Variants in SETD2 observed in about 807,000 individuals in gnomAD.
The protein encoded by SETD2 is SET domain containing 2, histone lysine methyltransferase, also known as histone-lysine N-methyltransferase SETD2.
A neutral mutation model predicts 242.1 loss-of-function variants in SETD2; 31 were observed. The ratio of observed to expected loss-of-function variants is 0.13; its 90% confidence interval spans 0.10 to 0.17. The LOEUF is 0.17. Ranked by LOEUF, SETD2 falls within the 10% of genes least tolerant of loss-of-function variation. SETD2 has a pLI of 1.00. For synonymous variants in SETD2, 1,006 were observed against 1,066.5 expected, an observed-to-expected ratio of 0.94 and a Z score of 1.11; for missense variants, 2,481 against 3,046.3, an observed-to-expected ratio of 0.81 and a Z score of 4.37.
At position 47,121,381 on chromosome 3, in the gene SETD2, A is replaced by G. The variant is rs2106648221; in HGVS notation, c.3255T>C (p.Pro1085=). 6.2e-7 allele frequency: 1 copy of G among 1,609,962 alleles called. No homozygotes were observed. The highest frequency in any genetic ancestry group is 8.5e-7 in the Non-Finnish European group (1 of 1,180,022). The change falls in exon 3 of 21, where the codon CCT becomes CCC. Residue 1085 remains proline, a synonymous_variant. Transcript: ENST00000409792. ...NSTLPMEETS[P]CSSRSSQSYR... is the part of the protein sequence containing the mutation. ...AACTTTGACTGCTCCGAGAAGAACAAGGACTTGTTTCTTCCATGGGCAAAG... is the reference window on the plus strand; with the variant it reads ...AACTTTGACTGCTCCGAGAAGAACAGGGACTTGTTTCTTCCATGGGCAAAG...
Position 47,068,229 on chromosome 3 carries a change from T to G in SETD2, c.6061-1111A>C, listed in dbSNP as rs528411447. Among the ~76,000 whole-genome samples, 8 of 152,304 alleles carry G rather than the reference T, an allele frequency of 5.3e-5. No homozygotes were observed. In the South Asian group the frequency reaches 8.3e-4, roughly 16 times the overall value. On this transcript the variant is annotated intron_variant, in intron 12 of 20. Coordinates refer to ENST00000409792, the MANE Select transcript of SETD2 (RefSeq NM_014159.7). ...TATTAACCACACCTGTGGCCTCCTCTCCACAATTGTTGCTTCTCACAATAT... is the reference window on the plus strand; with the variant it reads ...TATTAACCACACCTGTGGCCTCCTCGCCACAATTGTTGCTTCTCACAATAT...
intron 3 of SETD2, 81 bp from the exon 4 acceptor site, chr3:47,116,835 A>G (rs2042871532): frequency 2.0e-6 from 2 of 995,726 alleles, no homozygotes; most frequent in South Asian, 1.5e-5. Context: ...TATGTGCCAA[A>G]TCTCATTAGA....
intron 1 of SETD2, among the ~76,000 whole-genome samples, chr3:47,131,711 C>A (rs952039508): frequency 6.6e-6 from 1 of 151,410 alleles, no homozygotes; most frequent in Non-Finnish European, 1.5e-5. Flanking sequence ...AAGAGATATA[C>A]AACTAAAAAC....
intron 14 of SETD2, among the ~76,000 whole-genome samples, chr3:47,058,454 A>AAC (rs1698444913): frequency 6.7e-6 from 1 of 149,288 alleles, no homozygotes; most frequent in African/African-American, 2.5e-5. Context: ...AAAAAAAAAA[A>AAC]AAAAAAAAAA....
intron 1 of SETD2, among the ~76,000 whole-genome samples, chr3:47,133,816 T>C (rs1477473709): frequency 6.6e-6 from 1 of 152,162 alleles, no homozygotes; most frequent in East Asian, 1.9e-4. Flanking sequence ...ATTTATATTC[T>C]GGTAAGCACT....
At chr3:47,143,737 G>A (rs2043788512) in intron 1 of SETD2, among the ~76,000 whole-genome samples, 1 of 151,870 alleles carries the variant, frequency 6.6e-6, no homozygotes, top group African/African-American at 2.4e-5. Context: ...TTTTGAGACG[G>A]AGTCTCGCTG....
chr3:47,027,335 T>TAAA (rs2038531994), intron 18 of SETD2, among the ~76,000 whole-genome samples: 1 of 18,332 alleles, frequency 5.5e-5, no homozygotes, highest in Non-Finnish European at 1.3e-4. Context: ...AGACTCCATC[T>TAAA]CAAAAAAAAA....
intron 12 of SETD2, 81 bp downstream of exon 12, chr3:47,083,639 A>G (rs943528222): frequency 5.7e-5 from 75 of 1,322,422 alleles, no homozygotes; most frequent in Middle Eastern, 5.0e-4. Context: ...ATGGCTAAAA[A>G]AAGTAGTTAA....
At chr3:47,132,262 A>T (rs890860001) in intron 1 of SETD2, among the ~76,000 whole-genome samples, 1 of 150,948 alleles carries the variant, frequency 6.6e-6, no homozygotes, top group Non-Finnish European at 1.5e-5. Flanking sequence ...CCTCCTGAGT[A>T]GCTGGGACTA....
chr3:47,153,436 C>T (rs1208779132), intron 1 of SETD2, among the ~76,000 whole-genome samples: 1 of 152,144 alleles, frequency 6.6e-6, no homozygotes, highest in African/African-American at 2.4e-5. Context: ...CAGCCTCAAA[C>T]CAACCATTTT....
chr3:47,116,093 C>G (rs1459326352), intron 4 of SETD2, among the ~76,000 whole-genome samples: 1 of 151,952 alleles, frequency 6.6e-6, no homozygotes, highest in African/African-American at 2.4e-5. Context: ...GTACACAGAG[C>G]TCTGATTAGG....
intron 9 of SETD2, among the ~76,000 whole-genome samples, chr3:47,090,790 A>G (rs1373664224): frequency 1.3e-5 from 2 of 152,220 alleles, no homozygotes; most frequent in Non-Finnish European, 2.9e-5. Context: ...CTTAGCAGGA[A>G]ATGATGAAAG....
At chr3:47,146,004 AGACCCTGTCTC>A (rs2043841115) in intron 1 of SETD2, among the ~76,000 whole-genome samples, 2 of 115,570 alleles carry the variant, frequency 1.7e-5, no homozygotes, top group African/African-American at 6.2e-5. Context: ...TGACAGAGCG[AGACCCTGTCTC>A]AAAAAAAAAA....
intron 15 of SETD2, among the ~76,000 whole-genome samples, chr3:47,056,566 G>C (rs979107468): frequency 2.6e-5 from 4 of 152,166 alleles, no homozygotes; most frequent in Admixed American, 2.6e-4. Flanking sequence ...GATGACTGCA[G>C]CCATGGCCAA....
intron 17 of SETD2, among the ~76,000 whole-genome samples, chr3:47,041,986 C>T (rs925921526): frequency 1.1e-4 from 16 of 152,126 alleles, no homozygotes; most frequent in African/African-American, 3.9e-4. Context: ...CTGTCTATGA[C>T]CCCTGATACT....
intron 19 of SETD2, among the ~76,000 whole-genome samples, 198 bp downstream of exon 19, chr3:47,019,562 C>T (rs1438760988): frequency 2.0e-5 from 3 of 152,160 alleles, no homozygotes; most frequent in East Asian, 3.9e-4. Context: ...CTGAGAGGGG[C>T]TCCTGTCAAG....
chr3:47,135,466 G>A (rs1236011793), intron 1 of SETD2, among the ~76,000 whole-genome samples: 2 of 152,154 alleles, frequency 1.3e-5, no homozygotes, highest in Non-Finnish European at 2.9e-5. Context: ...TGTAGAGACA[G>A]GGTTTCACCA....
At chr3:47,136,638 G>C (rs1319116955) in intron 1 of SETD2, among the ~76,000 whole-genome samples, 2 of 152,130 alleles carry the variant, frequency 1.3e-5, no homozygotes, top group African/African-American at 4.8e-5. Context: ...GGCTCCAAAA[G>C]ATAGGGCAGT....
At chr3:47,136,336 T>A (rs2043588943) in intron 1 of SETD2, among the ~76,000 whole-genome samples, 1 of 152,178 alleles carries the variant, frequency 6.6e-6, no homozygotes, top group Admixed American at 6.6e-5. Context: ...CCCTCATACA[T>A]TCCAAGATAA....
Sources: gnomAD v4.1 joint callset for allele counts (sites outside exome capture counted in the v4.1 genomes callset) on GRCh38, gnomAD v4.1.1 for gene constraint, MANE v1.5 for transcripts, NCBI Gene and HGNC (gene_info 2026-07-23, HGNC 2026-07-21) for gene names.